Variants in CLEC16A observed in about 807,000 individuals in gnomAD.
CLEC16A encodes the protein protein CLEC16A.
Under a neutral mutation model 109.5 loss-of-function variants are expected in CLEC16A, and 51 were observed. The observed-to-expected ratio is 0.47, with a 90% confidence interval of 0.37 to 0.59. The LOEUF (loss-of-function observed/expected upper bound fraction) is 0.59, where lower values mean the gene tolerates loss of function less well. CLEC16A is among the 20% of genes least tolerant of loss of function. CLEC16A has a pLI of 0.00. For missense variants in CLEC16A, 1,339 were observed against 1,394.0 expected, an observed-to-expected ratio of 0.96 and a Z score of 0.63; for synonymous variants, 673 against 564.2, an observed-to-expected ratio of 1.19 and a Z score of -2.73.
chr16:10,979,481 C>A, intron 9 of CLEC16A, 99 bp downstream of exon 9: 8 of 1,035,904 alleles, frequency 7.7e-6, no homozygotes, highest in Non-Finnish European at 1.2e-5. Context: ...CCCATCTTCT[C>A]TGTCCCCCCC....
chr16:10,979,604 AAAAT>A (rs1257589109), intron 9 of CLEC16A, among the ~76,000 whole-genome samples: 1 of 152,222 alleles, frequency 6.6e-6, no homozygotes, highest in African/African-American at 2.4e-5. Flanking sequence ...AGAGAAATGA[AAAAT>A]AAACCAAACC....
chr16:11,171,735 G>A (rs987728079), intron 23 of CLEC16A, among the ~76,000 whole-genome samples: 1 of 152,182 alleles, frequency 6.6e-6, no homozygotes, highest in African/African-American at 2.4e-5. Context: ...AATATCTTCT[G>A]GTATACCACT....
chr16:11,136,188 C>G (rs575071537), intron 22 of CLEC16A: 10 of 152,306 alleles, frequency 6.6e-5, no homozygotes, highest in African/African-American at 2.4e-4. Context: ...TGGCCTTGAC[C>G]CATTTGGTTC....
intron 11 of CLEC16A, among the ~76,000 whole-genome samples, chr16:11,015,890 G>A (rs2045716188): frequency 6.6e-6 from 1 of 152,194 alleles, no homozygotes; most frequent in Non-Finnish European, 1.5e-5. Flanking sequence ...AGGGGAGGTG[G>A]GCCTATGCCA....
intron 14 of CLEC16A, 28 bp from the exon 15 acceptor site, chr16:11,042,226 G>A (rs1196497557): frequency 6.5e-7 from 1 of 1,538,736 alleles, no homozygotes; most frequent in Non-Finnish European, 8.8e-7. Context: ...CCCTGGGTGT[G>A]CAAGGCTTAC....
At chr16:11,027,414 C>T (rs1231633166) in intron 13 of CLEC16A, 2 of 1,454,154 alleles carry the variant, frequency 1.4e-6, no homozygotes, top group Non-Finnish European at 1.9e-6. Context: ...TCTACAAATG[C>T]TGCGTATAGT....
chr16:11,086,372 C>T (rs1200187436), intron 19 of CLEC16A, among the ~76,000 whole-genome samples: 2 of 152,326 alleles, frequency 1.3e-5, no homozygotes, highest in East Asian at 3.9e-4. Context: ...CTGTTTCCCC[C>T]TTACTGTGGG....
chr16:11,081,032 C>T (rs2049683576), intron 19 of CLEC16A, among the ~76,000 whole-genome samples: 1 of 152,238 alleles, frequency 6.6e-6, no homozygotes, highest in Admixed American at 6.5e-5. Flanking sequence ...GAAGGGTAGG[C>T]AGAGGCTCTG....
rs540822413 is a variant in CLEC16A at position 11,161,310 on chromosome 16, A to C, written c.2642-5078A>C. 3.9e-5 allele frequency among the ~76,000 whole-genome samples: 6 copies of C among 152,318 alleles called. No individual in the cohort carries two copies. The East Asian group carries it at 9.6e-4, about 24-fold the overall frequency. ...CTGCTGCAGAAGCACAGGGGAGAGA[A>C]TAGTTAACCCTACCTTATGCAAAGA... is the stretch of plus-strand genomic sequence containing the variant. On this transcript the variant is annotated intron_variant, in intron 22 of 23. Transcript: ENST00000409790.
chr16:10,944,749 G>T lies in CLEC16A; in HGVS notation c.32G>T (p.Gly11Val). 6.2e-7 allele frequency: 1 copy of T among 1,609,782 alleles called. No homozygotes were observed. Among genetic ancestry groups the T allele is most frequent in the East Asian group, 2.2e-5 (1 of 44,828 alleles). Residue 11 changes from glycine to valine, a missense_variant, in exon 1 of 24, where the codon GGG becomes GTG. Gly to Val is a moderately radical substitution (Grantham distance 109, BLOSUM62 -3). Coordinates refer to ENST00000409790, the MANE Select transcript of CLEC16A (RefSeq NM_015226.3). The part of the protein sequence containing the change: MFGRSRSWVG[G>V]GHGKTSRNIH... The stretch of plus-strand genomic sequence containing the variant: ...GGCCGCTCGCGGAGCTGGGTGGGCG[G>T]GGGCCATGGCAAGACTTCCCGCAAC...
intron 3 of CLEC16A, among the ~76,000 whole-genome samples, chr16:10,966,314 G>C (rs1434342455): frequency 6.6e-6 from 1 of 152,224 alleles, no homozygotes; most frequent in East Asian, 1.9e-4. Context: ...TAGGAAGTGT[G>C]CGTACTGTCT....
chr16:11,077,083 G>A (rs1209873086), intron 19 of CLEC16A, among the ~76,000 whole-genome samples: 1 of 152,210 alleles, frequency 6.6e-6, no homozygotes, highest in Non-Finnish European at 1.5e-5. Flanking sequence ...AGTGGCTTAG[G>A]CCTGTAATCC....
chr16:10,977,301 A>G lies in CLEC16A; in HGVS notation c.805A>G (p.Ile269Val). 6.2e-7 allele frequency: 1 copy of G among 1,614,000 alleles called. No homozygotes were observed. Among genetic ancestry groups the G allele is most frequent in the Non-Finnish European group, 8.5e-7 (1 of 1,179,892 alleles). The change falls in exon 8 of 24, where the codon ATC (isoleucine) becomes GTC (valine). Residue 269 changes from isoleucine to valine, a missense_variant. This residue lies in a region of CLEC16A where 161 missense variants were observed against 267.1 expected (regional missense o/e 0.60). Coordinates refer to ENST00000409790, the MANE Select transcript of CLEC16A (RefSeq NM_015226.3). ...DHLHYLNDIL[I>V]INCEFLNDVL... ...CCTGCACTATCTCAATGACATCCTG[A>G]TCATCAACTGTGAGTTCCTCAACGA...
chr16:11,001,123 C>T (rs1266552168), intron 10 of CLEC16A, among the ~76,000 whole-genome samples: 1 of 151,850 alleles, frequency 6.6e-6, no homozygotes, highest in East Asian at 1.9e-4. Context: ...TTTGAGACAT[C>T]TCACTCTGTC....
intron 13 of CLEC16A, among the ~76,000 whole-genome samples, chr16:11,034,630 G>C (rs2046924284): frequency 6.6e-6 from 1 of 152,160 alleles, no homozygotes; most frequent in Non-Finnish European, 1.5e-5. Flanking sequence ...TCGGTGGGCA[G>C]CTCAGGCTCT....
chr16:11,033,947 A>G (rs1255355575), intron 13 of CLEC16A, among the ~76,000 whole-genome samples: 7 of 152,142 alleles, frequency 4.6e-5, no homozygotes, highest in African/African-American at 1.7e-4. Flanking sequence ...GATGGGGGTG[A>G]GTTTTACAGC....
At chr16:10,948,786 G>A (rs2041566867) in intron 1 of CLEC16A, among the ~76,000 whole-genome samples, 1 of 152,132 alleles carries the variant, frequency 6.6e-6, no homozygotes, top group Admixed American at 6.5e-5. Context: ...TCAGAAATCG[G>A]CCTTTTTCCA....
At chr16:11,052,466 T>G (rs1205589773) in intron 18 of CLEC16A, among the ~76,000 whole-genome samples, 1 of 152,204 alleles carries the variant, frequency 6.6e-6, no homozygotes, top group Non-Finnish European at 1.5e-5. Flanking sequence ...AGTCTGAACC[T>G]TCCTCCCTGC....
In CLEC16A at chr16:11,174,432, G is replaced by T. The variant is rs1291523003; in HGVS notation, c.2807-3903G>T. ...CACTTCCCCATTTTCCCCCAAAGTT[G>T]GTTCTCCCTGCTCCCTGTCTGGCCT... On this transcript the variant is annotated intron_variant, in intron 23 of 23. Coordinates refer to ENST00000409790, the MANE Select transcript of CLEC16A (RefSeq NM_015226.3). This position sits in a 1 kb window ranked among gnomAD's most constrained non-coding sequence, Gnocchi z 4.7. Among the ~76,000 whole-genome samples the T allele has an allele frequency of 6.6e-6, 1 of 152,244 alleles. No individual in the cohort carries two copies. Among genetic ancestry groups the T allele is most frequent in the Non-Finnish European group, 1.5e-5 (1 of 68,042 alleles).
Sources: allele counts gnomAD v4.1 joint callset (sites outside exome capture counted in the v4.1 genomes callset), GRCh38; gene constraint gnomAD v4.1.1; regional missense constraint gnomAD v4.1.1; non-coding constraint Gnocchi (gnomAD v3.1); transcripts MANE v1.5; gene names NCBI Gene and HGNC (gene_info 2026-07-23, HGNC 2026-07-21).